SATL1: variants seen among roughly 807,000 people sequenced by gnomAD.
SATL1 encodes the protein spermidine/spermine N1-acetyl transferase like 1.
SATL1 carries 47 observed loss-of-function variants against 51.8 expected under a neutral mutation model. The observed-to-expected ratio is 0.91, with a 90% CI of 0.72 to 1.16. SATL1 has a LOEUF of 1.16. SATL1 is among the 50% of genes most tolerant of loss of function. The pLI is 0.00. For synonymous variants in SATL1, 176 were observed against 182.4 expected, an observed-to-expected ratio of 0.97 and a Z score of 0.28; for missense variants, 520 against 526.4, an observed-to-expected ratio of 0.99 and a Z score of 0.12.
At chrX:85,218,140 T>TA (rs11462952) in intron 2 of SATL1, among the ~76,000 whole-genome samples, 24,622 of 103,647 alleles carry the variant, frequency 0.24, 3,184 homozygotes, top group African/African-American at 0.48. Flanking sequence ...AGGGAGAAGA[T>TA]AAAAAAAAAA....
chrX:85,206,393 G>A (rs975990833), intron 2 of SATL1, among the ~76,000 whole-genome samples: 1 of 111,470 alleles, frequency 9.0e-6, no homozygotes, highest in African/African-American at 3.3e-5. Flanking sequence ...ATAGCAATAA[G>A]AGAAAAACCC....
chrX:85,215,490 C>A (rs2032662976), intron 2 of SATL1, among the ~76,000 whole-genome samples: 1 of 112,053 alleles, frequency 8.9e-6, no homozygotes. Context: ...CCTTTCTAAT[C>A]ATAAATTTCA....
At chrX:85,138,873 C>G (rs1387958754) in intron 2 of SATL1, among the ~76,000 whole-genome samples, 1 of 111,622 alleles carries the variant, frequency 9.0e-6, no homozygotes, top group Non-Finnish European at 1.9e-5. Flanking sequence ...GCTGAAAATT[C>G]TAATGCAGGA....
rs375513783 is a variant in SATL1, at chrX:85,208,544, G to A, written c.-313+15661C>T. Among the ~76,000 whole-genome samples, 33 of 111,319 alleles carry A rather than the reference G, an allele frequency of 3.0e-4. No individual in the cohort carries two copies. The East Asian group carries it at 3.1e-3, about 11-fold the overall frequency. On this transcript the variant is annotated intron_variant, in intron 2 of 7. Transcript: ENST00000644105. ...AGTGTAAAAGCATTCCTATTTCTCC[G>A]CATCCTCTCCAGCATATGTTGTTTC...
intron 2 of SATL1, chrX:85,219,818 T>C (rs766061280): frequency 9.2e-6 from 1 of 109,124 alleles, no homozygotes; most frequent in African/African-American, 3.3e-5. Flanking sequence ...ATTTAAAGGG[T>C]ACTCAGAGTG....
At chrX:85,189,178 T>G (rs948610159) in intron 2 of SATL1, among the ~76,000 whole-genome samples, 3 of 111,852 alleles carry the variant, frequency 2.7e-5, no homozygotes, top group Middle Eastern at 9.2e-3. Context: ...CTACCCCTGG[T>G]TATTTTATTT....
At chrX:85,176,707 G>A (rs6623239) in intron 2 of SATL1, among the ~76,000 whole-genome samples, 35,382 of 110,162 alleles carry the variant, frequency 0.32, 6,452 homozygotes, top group African/African-American at 0.69. Flanking sequence ...ACAAGCAACC[G>A]TAAAATTGAT....
chrX:85,149,337 G>A (rs1926352157), intron 2 of SATL1, among the ~76,000 whole-genome samples: 3 of 111,248 alleles, frequency 2.7e-5, no homozygotes, highest in African/African-American at 9.8e-5. Context: ...GACCTACAAA[G>A]AGTCTTAGAC....
At chrX:85,115,621 T>G (rs1602843082) in intron 2 of SATL1, among the ~76,000 whole-genome samples, 1 of 112,308 alleles carries the variant, frequency 8.9e-6, no homozygotes, top group East Asian at 2.8e-4. Flanking sequence ...AGAAGTCACA[T>G]GGCATGTGAA....
intron 4 of SATL1, 141 bp from the exon 5 acceptor site, chrX:85,095,137 CTG>C: frequency 2.3e-6 from 1 of 436,997 alleles, no homozygotes; most frequent in Non-Finnish European, 4.1e-6. Context: ...TTTTGGAACT[CTG>C]GAGTTTATCT....
chrX:85,222,311 C>A (rs1160954651), intron 2 of SATL1, among the ~76,000 whole-genome samples: 1 of 111,517 alleles, frequency 9.0e-6, no homozygotes, highest in African/African-American at 3.3e-5. Context: ...TGAGACAGTG[C>A]CCAGCAAATA....
chrX:85,116,822 C>T (rs1316786713), intron 2 of SATL1, among the ~76,000 whole-genome samples: 1 of 110,815 alleles, frequency 9.0e-6, no homozygotes, highest in Non-Finnish European at 1.9e-5. Flanking sequence ...CAGCCAGCAC[C>T]AGGGAAAGGC....
intron 2 of SATL1, chrX:85,143,041 T>C (rs1019073729): frequency 6.3e-5 from 7 of 111,967 alleles, no homozygotes. Flanking sequence ...AGATCTCTGG[T>C]TATGAGCAGG....
chrX:85,163,102 C>T (rs867103408), intron 2 of SATL1, among the ~76,000 whole-genome samples: 11 of 109,543 alleles, frequency 1.0e-4, no homozygotes, highest in Non-Finnish European at 1.9e-4. Flanking sequence ...CCTTTTGGAA[C>T]AGTTTCAGTA....
chrX:85,146,893 A>G (rs7060500), intron 2 of SATL1, among the ~76,000 whole-genome samples: 5,540 of 112,450 alleles, frequency 0.049, 374 homozygotes, highest in African/African-American at 0.17. Flanking sequence ...CATGAGTGAC[A>G]CAGAAGATGG....
At chrX:85,228,060 T>C (rs1483606401) in intron 1 of SATL1, among the ~76,000 whole-genome samples, 2 of 111,130 alleles carry the variant, frequency 1.8e-5, no homozygotes, top group Non-Finnish European at 3.8e-5. Flanking sequence ...AGTTGGGTGA[T>C]GAGAGCATGG....
chrX:85,149,064 G>A (rs1926342301), intron 2 of SATL1, among the ~76,000 whole-genome samples: 1 of 111,502 alleles, frequency 9.0e-6, no homozygotes, highest in Admixed American at 9.5e-5. Flanking sequence ...CTGTATTCAG[G>A]AAACCCATCT....
At chrX:85,150,123 T>C (rs966995956) in intron 2 of SATL1, among the ~76,000 whole-genome samples, 1 of 110,971 alleles carries the variant, frequency 9.0e-6, no homozygotes, top group Middle Eastern at 4.7e-3. Flanking sequence ...TAAAAAATGA[T>C]AAAGGGGATA....
At chrX:85,195,797 A>AAATAAT (rs749934419) in intron 2 of SATL1, among the ~76,000 whole-genome samples, 32 of 109,119 alleles carry the variant, frequency 2.9e-4, no homozygotes, top group East Asian at 1.4e-3. Context: ...ACTCCGTCTT[A>AAATAAT]AATAATAATA....
Sources: allele counts gnomAD v4.1 joint callset (sites outside exome capture counted in the v4.1 genomes callset), GRCh38; gene constraint gnomAD v4.1.1; transcripts MANE v1.5; gene names NCBI Gene and HGNC (gene_info 2026-07-23, HGNC 2026-07-21).